RALYL: variants seen among roughly 807,000 people sequenced by gnomAD.
RALYL encodes RALY RNA binding protein like, also known as RNA-binding Raly-like protein.
RALYL carries 29 observed loss-of-function variants against 35.1 expected under a neutral mutation model. That is an observed-to-expected ratio of 0.83 (90% CI 0.61 to 1.13). The LOEUF (loss-of-function observed/expected upper bound fraction) is 1.13. Ranked by LOEUF, RALYL falls within the 50% of genes most tolerant of loss-of-function variation. The pLI, the probability that RALYL is intolerant of heterozygous loss-of-function variation, is 0.00. For synonymous variants in RALYL, 120 were observed against 127.6 expected, an observed-to-expected ratio of 0.94 and a Z score of 0.40; for missense variants, 359 against 360.4, an observed-to-expected ratio of 1.00 and a Z score of 0.03.
At position 84,889,576 on chromosome 8, in the gene RALYL, A is replaced by G. The variant is rs527495469; in HGVS notation, c.858+1800A>G. ...CTACACCCTGTCCCAAGATGTCTTCATCAAATACTAGAGCGTTAAATATTA... is the reference window on the plus strand; with the variant it reads ...CTACACCCTGTCCCAAGATGTCTTCGTCAAATACTAGAGCGTTAAATATTA... On this transcript the variant is annotated intron_variant, in intron 8 of 8. Coordinates refer to ENST00000521268, the MANE Select transcript of RALYL (RefSeq NM_173848.7). Among the ~76,000 whole-genome samples the G allele has an allele frequency of 4.6e-5, 7 of 152,268 alleles. No homozygotes were observed. In the South Asian group the frequency reaches 1.4e-3, roughly 32 times the overall value.
intron 7 of RALYL, among the ~76,000 whole-genome samples, chr8:84,886,344 C>T (rs1332208541): frequency 6.6e-6 from 1 of 152,040 alleles, no homozygotes; most frequent in Non-Finnish European, 1.5e-5. Flanking sequence ...AAGTTTGGTG[C>T]TGAGACAAAA....
chr8:84,564,998 T>C (rs1326371333), intron 2 of RALYL, among the ~76,000 whole-genome samples: 2 of 151,664 alleles, frequency 1.3e-5, no homozygotes, highest in African/African-American at 4.8e-5. Flanking sequence ...AAAGCTGATA[T>C]TCATTTTGTT....
At chr8:84,739,782 CTG>C (rs1182801436) in intron 2 of RALYL, among the ~76,000 whole-genome samples, 1 of 151,800 alleles carries the variant, frequency 6.6e-6, no homozygotes, top group Admixed American at 6.6e-5. Flanking sequence ...ATCTGAGACT[CTG>C]AGTATGATTT....
intron 1 of RALYL, among the ~76,000 whole-genome samples, chr8:84,244,372 A>G (rs1334929976): frequency 3.9e-5 from 6 of 152,214 alleles, no homozygotes; most frequent in Admixed American, 3.9e-4. Flanking sequence ...CCAAGCAAAC[A>G]GTGTACATGA....
chr8:84,299,328 G>A (rs780988321), intron 1 of RALYL, among the ~76,000 whole-genome samples: 13 of 151,958 alleles, frequency 8.6e-5, no homozygotes, highest in South Asian at 2.1e-4. Context: ...CTACTTGATC[G>A]TGGTGGACTA....
chr8:84,694,460 A>G (rs1838729735), intron 2 of RALYL, among the ~76,000 whole-genome samples: 1 of 151,952 alleles, frequency 6.6e-6, no homozygotes, highest in East Asian at 1.9e-4. Flanking sequence ...GAAATTGTAG[A>G]AGACACAAAT....
chr8:84,892,234 A>G (rs777408972), intron 8 of RALYL, among the ~76,000 whole-genome samples: 18 of 152,224 alleles, frequency 1.2e-4, no homozygotes, highest in Non-Finnish European at 1.5e-5. Context: ...AGGGATAACT[A>G]AAGTCCTTGC....
intron 4 of RALYL, among the ~76,000 whole-genome samples, chr8:84,840,439 C>A (rs1214369627): frequency 6.6e-6 from 1 of 152,172 alleles, no homozygotes; most frequent in Non-Finnish European, 1.5e-5. Context: ...AAGAAATGAA[C>A]AAAGCCTCCA....
intron 2 of RALYL, among the ~76,000 whole-genome samples, chr8:84,547,225 G>A (rs1338625512): frequency 6.6e-6 from 1 of 151,964 alleles, no homozygotes; most frequent in Non-Finnish European, 1.5e-5. Flanking sequence ...TTAAGTGGGT[G>A]TTACTTTTTA....
intron 1 of RALYL, among the ~76,000 whole-genome samples, chr8:84,224,030 T>A (rs1823195688): frequency 6.6e-6 from 1 of 152,168 alleles, no homozygotes; most frequent in South Asian, 2.1e-4. Flanking sequence ...CCTAACTTAG[T>A]TAGAAATTCT....
intron 1 of RALYL, among the ~76,000 whole-genome samples, chr8:84,208,414 G>C (rs1174100946): frequency 6.6e-6 from 1 of 152,020 alleles, no homozygotes; most frequent in Non-Finnish European, 1.5e-5. Flanking sequence ...ACCTTTTTTA[G>C]ACCTACTCTC....
intron 4 of RALYL, among the ~76,000 whole-genome samples, chr8:84,813,427 T>TG (rs1826374480): frequency 1.3e-5 from 2 of 152,234 alleles, no homozygotes; most frequent in African/African-American, 4.8e-5. Flanking sequence ...AGTCTAGTCC[T>TG]GCCTCCCATT....
chr8:84,326,899 C>T (rs1845906580), intron 1 of RALYL, among the ~76,000 whole-genome samples: 2 of 152,184 alleles, frequency 1.3e-5, no homozygotes, highest in Admixed American at 6.5e-5. Context: ...TTATTCTAGG[C>T]ATCCATGTAC....
chr8:84,395,524 T>C (rs1861596245), intron 1 of RALYL, among the ~76,000 whole-genome samples: 1 of 151,896 alleles, frequency 6.6e-6, no homozygotes, highest in South Asian at 2.1e-4. Flanking sequence ...CTGTAAATGA[T>C]GTAATCCGCC....
At chr8:84,293,088 G>T (rs529985645) in intron 1 of RALYL, among the ~76,000 whole-genome samples, 2 of 152,154 alleles carry the variant, frequency 1.3e-5, no homozygotes, top group Admixed American at 6.6e-5. Flanking sequence ...TACATAATAT[G>T]GTAATGGAAA....
chr8:84,881,999 T>C (rs1842239333), intron 7 of RALYL, among the ~76,000 whole-genome samples: 1 of 151,966 alleles, frequency 6.6e-6, no homozygotes, highest in Admixed American at 6.6e-5. Context: ...AGTTTCCCCA[T>C]GTGTAAAATG....
rs563768131 is a variant in RALYL at position 84,536,111 on chromosome 8, A to G, written c.256+6534A>G. ...ATTCATGACCATAGCTTACCCACTT[A>G]TATCACCAGTTTGTTACAAAGCCTT... On this transcript the variant is annotated intron_variant, in intron 2 of 8. Transcript: ENST00000521268. Among the ~76,000 whole-genome samples, 3 of 152,294 alleles carry G rather than the reference A, an allele frequency of 2.0e-5. No homozygotes were observed. The South Asian group carries it at 6.2e-4, about 32-fold the overall frequency.
intron 1 of RALYL, among the ~76,000 whole-genome samples, chr8:84,416,217 G>C (rs1244211410): frequency 2.0e-5 from 3 of 152,054 alleles, no homozygotes; most frequent in East Asian, 3.9e-4. Context: ...CTAAAAGCTG[G>C]GAATACAAAA....
intron 1 of RALYL, among the ~76,000 whole-genome samples, chr8:84,423,764 G>A (rs1281383271): frequency 8.6e-5 from 13 of 151,620 alleles, no homozygotes; most frequent in African/African-American, 1.7e-4. Flanking sequence ...AAATCGGTCA[G>A]CATTTGCTTG....
Sources: gnomAD v4.1 joint callset for allele counts (sites outside exome capture counted in the v4.1 genomes callset) on GRCh38, gnomAD v4.1.1 for gene constraint, MANE v1.5 for transcripts, NCBI Gene and HGNC (gene_info 2026-07-23, HGNC 2026-07-21) for gene names.